The following GPR158 variants were observed in gnomAD, a reference collection of about 807,000 sequenced individuals.
GPR158 encodes G protein-coupled receptor 158.
A neutral mutation model predicts 78.2 loss-of-function variants in GPR158; 30 were observed. That is an observed-to-expected ratio of 0.38 (90% CI 0.29 to 0.52). The LOEUF (loss-of-function observed/expected upper bound fraction) is 0.52, where lower values mean the gene tolerates loss of function less well. Ranked by LOEUF, GPR158 falls within the 20% of genes least tolerant of loss-of-function variation. GPR158 has a pLI of 0.83. For synonymous variants in GPR158, 581 were observed against 591.1 expected (o/e 0.98, Z 0.25); for missense variants, 1,463 against 1,523.5 (o/e 0.96, Z 0.66).
intron 7 of GPR158, among the ~76,000 whole-genome samples, chr10:25,587,057 T>C (rs1358431224): frequency 6.6e-6 from 1 of 152,150 alleles, no homozygotes; most frequent in African/African-American, 2.4e-5. Flanking sequence ...AATGTAACCA[T>C]ATGTGGAAAA....
At chr10:25,183,869 T>C (rs1219990341) in intron 1 of GPR158, among the ~76,000 whole-genome samples, 1 of 152,266 alleles carries the variant, frequency 6.6e-6, no homozygotes, top group African/African-American at 2.4e-5. Flanking sequence ...GAAGGAATGG[T>C]ATGATAGTAA....
chr10:25,593,848 A>T (rs901356172), intron 8 of GPR158, among the ~76,000 whole-genome samples: 2 of 152,104 alleles, frequency 1.3e-5, no homozygotes, highest in Non-Finnish European at 2.9e-5. Flanking sequence ...ATTCACAAAG[A>T]TAAATAATTG....
At position 25,599,528 on chromosome 10, in the gene GPR158, A is replaced by G; in HGVS notation, c.*254A>G. 2.2e-6 allele frequency: 1 copy of G among 464,718 alleles called. No individual in the cohort carries two copies. Among genetic ancestry groups the G allele is most frequent in the South Asian group, 2.7e-5 (1 of 36,690 alleles). The allele number at this position is 464,718 out of a possible 1,614,324, so 28.8% of individuals were successfully genotyped here. The stretch of plus-strand genomic sequence containing the variant: ...AAATCTTTCCATTTCAGCATGTTTA[A>G]GGAAAATAGCCCACAATGTCTGCCC... On this transcript the variant is annotated 3_prime_UTR_variant, in exon 11 of 11. Transcript: ENST00000376351.
intron 5 of GPR158, among the ~76,000 whole-genome samples, chr10:25,483,557 C>T (rs1644411212): frequency 6.6e-6 from 1 of 152,022 alleles, no homozygotes; most frequent in East Asian, 1.9e-4. Context: ...ATTTCTTACA[C>T]GTACTTATTT....
At chr10:25,404,847 G>A (rs908293662) in intron 3 of GPR158, among the ~76,000 whole-genome samples, 3 of 152,084 alleles carry the variant, frequency 2.0e-5, no homozygotes, top group East Asian at 1.9e-4. Context: ...ACTGAGCAGA[G>A]ACAGAGTATA....
chr10:25,331,822 T>C (rs996547786), intron 2 of GPR158, among the ~76,000 whole-genome samples: 1 of 152,170 alleles, frequency 6.6e-6, no homozygotes, highest in African/African-American at 2.4e-5. Context: ...TTGCTTTCTC[T>C]GGGATTTGAT....
chr10:25,437,369 G>A (rs1835010550), intron 4 of GPR158, among the ~76,000 whole-genome samples: 1 of 149,848 alleles, frequency 6.7e-6, no homozygotes, highest in Non-Finnish European at 1.5e-5. Context: ...AGGACTACAG[G>A]TGCACATCGC....
intron 6 of GPR158, among the ~76,000 whole-genome samples, chr10:25,563,389 A>T (rs181386851): frequency 1.1e-3 from 168 of 151,636 alleles, no homozygotes; most frequent in African/African-American, 3.9e-3. Context: ...ATCATCTTTT[A>T]AAAAATCTCT....
At chr10:25,205,397 T>C (rs1853010588) in intron 1 of GPR158, among the ~76,000 whole-genome samples, 1 of 151,982 alleles carries the variant, frequency 6.6e-6, no homozygotes, top group African/African-American at 2.4e-5. Flanking sequence ...AGTTCAGTTC[T>C]GATTTTGGTT....
At chr10:25,424,758 C>T (rs890629659) in intron 4 of GPR158, among the ~76,000 whole-genome samples, 4 of 152,152 alleles carry the variant, frequency 2.6e-5, no homozygotes, top group African/African-American at 9.6e-5. Context: ...TGTTTTGGTA[C>T]CAGTACCATG....
intron 2 of GPR158, among the ~76,000 whole-genome samples, chr10:25,343,106 G>A (rs564202336): frequency 5.2e-4 from 79 of 151,994 alleles, no homozygotes; most frequent in Non-Finnish European, 9.3e-4. Flanking sequence ...AAATGGAGAT[G>A]AGCTTAAGAT....
intron 2 of GPR158, among the ~76,000 whole-genome samples, chr10:25,307,595 G>A (rs923970924): frequency 2.6e-4 from 40 of 151,754 alleles, no homozygotes; most frequent in African/African-American, 5.1e-4. Context: ...GGCTTGTCTC[G>A]AGCTTCTGGG....
intron 5 of GPR158, among the ~76,000 whole-genome samples, chr10:25,474,216 G>T (rs570194065): frequency 6.6e-6 from 1 of 152,184 alleles, no homozygotes; most frequent in African/African-American, 2.4e-5. Context: ...AGGCAGCTCT[G>T]CAACACCTTG....
chr10:25,334,088 G>T (rs1404840439), intron 2 of GPR158, among the ~76,000 whole-genome samples: 1 of 152,102 alleles, frequency 6.6e-6, no homozygotes, highest in Non-Finnish European at 1.5e-5. Context: ...TGAAAGGAGA[G>T]TGATATCCTA....
In GPR158 at chr10:25,175,822, C is replaced by T. The variant is rs376206101; in HGVS notation, c.402C>T (p.Asn134=). The change falls in exon 1 of 11, where the codon AAC becomes AAT. Residue 134 remains asparagine (N), a synonymous_variant. Coordinates refer to ENST00000376351, the MANE Select transcript of GPR158 (RefSeq NM_020752.3). This position sits in a 1 kb window ranked among gnomAD's most constrained non-coding sequence, Gnocchi z 6.4. ...TGGACACACTGACACACGCCACCAA[C>T]TTCCTCAACGTGATGCTGCAGAGCA... ...RALDTLTHAT[N]FLNVMLQSNK... 2.5e-5 allele frequency: 41 copies of T among 1,612,956 alleles called. No individual in the cohort carries two copies. Among genetic ancestry groups the T allele is most frequent in the Non-Finnish European group, 3.1e-5 (36 of 1,179,990 alleles).
chr10:25,545,599 T>A (rs896551773), intron 5 of GPR158, among the ~76,000 whole-genome samples: 3 of 152,126 alleles, frequency 2.0e-5, no homozygotes, highest in Non-Finnish European at 2.9e-5. Flanking sequence ...ATTTGGGGGA[T>A]TTGAAAATAT....
At chr10:25,280,169 GAC>G (rs749490678) in intron 2 of GPR158, among the ~76,000 whole-genome samples, 5 of 152,066 alleles carry the variant, frequency 3.3e-5, no homozygotes, top group Non-Finnish European at 5.9e-5. Context: ...CTTGTTAAAA[GAC>G]AGAGGTTGAC....
intron 2 of GPR158, among the ~76,000 whole-genome samples, chr10:25,337,206 T>G (rs1165994852): frequency 6.6e-6 from 1 of 152,092 alleles, no homozygotes; most frequent in East Asian, 1.9e-4. Flanking sequence ...GCATCAATCT[T>G]AATTGACACT....
intron 8 of GPR158, among the ~76,000 whole-genome samples, chr10:25,591,432 C>T (rs1169186923): frequency 6.6e-6 from 1 of 152,154 alleles, no homozygotes; most frequent in Non-Finnish European, 1.5e-5. Context: ...ATCTTTCCTA[C>T]AGAGCCCCAA....
Sources: allele counts gnomAD v4.1 joint callset (sites outside exome capture counted in the v4.1 genomes callset), GRCh38; gene constraint gnomAD v4.1.1; non-coding constraint Gnocchi (gnomAD v3.1); transcripts MANE v1.5; gene names NCBI Gene and HGNC (gene_info 2026-07-23, HGNC 2026-07-21).